The following AGBL4 variants were observed in gnomAD, a reference collection of about 807,000 sequenced individuals.
The protein encoded by AGBL4 is cytosolic carboxypeptidase 6.
In AGBL4, 58 loss-of-function variants were observed where a neutral mutation model predicts 66.4. The observed-to-expected ratio is 0.87, with a 90% CI of 0.71 to 1.09. The LOEUF is 1.09. AGBL4 is among the 50% of genes least tolerant of loss of function. The pLI, the probability that AGBL4 is intolerant of heterozygous loss-of-function variation, is 0.00. For synonymous variants in AGBL4, 234 were observed against 222.9 expected (o/e 1.05, Z -0.44); for missense variants, 579 against 631.0 (o/e 0.92, Z 0.88).
intron 1 of AGBL4, among the ~76,000 whole-genome samples, chr1:49,907,881 G>C (rs1362153690): frequency 1.3e-5 from 2 of 151,896 alleles, no homozygotes; most frequent in East Asian, 3.9e-4. Context: ...TTGATAATTG[G>C]AGAGGCTATG....
At chr1:48,845,524 A>T (rs1646890293) in intron 6 of AGBL4, among the ~76,000 whole-genome samples, 1 of 152,226 alleles carries the variant, frequency 6.6e-6, no homozygotes, top group African/African-American at 2.4e-5. Context: ...AGGGAAGTTA[A>T]GGGGATTCAG....
chr1:49,367,110 C>T (rs559415898), intron 3 of AGBL4, among the ~76,000 whole-genome samples: 17 of 152,232 alleles, frequency 1.1e-4, no homozygotes, highest in African/African-American at 3.9e-4. Flanking sequence ...ACTAATGAAA[C>T]AAACAAACAA....
At chr1:48,828,140 G>A (rs980668248) in intron 6 of AGBL4, among the ~76,000 whole-genome samples, 7 of 148,570 alleles carry the variant, frequency 4.7e-5, no homozygotes, top group Non-Finnish European at 8.9e-5. Context: ...AGGTTGCAGT[G>A]AGCCAAGATT....
intron 4 of AGBL4, among the ~76,000 whole-genome samples, chr1:49,128,259 G>A (rs1645806857): frequency 6.6e-6 from 1 of 151,640 alleles, no homozygotes. Flanking sequence ...AGGAAATGAA[G>A]AGATACATTA....
downstream of AGBL4, among the ~76,000 whole-genome samples, chr1:48,529,444 T>C (rs1004726491): frequency 1.6e-4 from 24 of 152,182 alleles, no homozygotes; most frequent in African/African-American, 5.3e-4. Context: ...CAGTTCATTT[T>C]ACAGATGAGG....
intron 6 of AGBL4, among the ~76,000 whole-genome samples, chr1:48,764,949 G>A (rs985663207): frequency 6.6e-6 from 1 of 152,186 alleles, no homozygotes; most frequent in African/African-American, 2.4e-5. Flanking sequence ...TAAGATGGGT[G>A]ACACTCCCCA....
chr1:49,095,198 T>C (rs1176932676), intron 4 of AGBL4, among the ~76,000 whole-genome samples: 3 of 152,184 alleles, frequency 2.0e-5, no homozygotes, highest in Non-Finnish European at 4.4e-5. Context: ...TACAAACAAA[T>C]GGAAGAACAT....
chr1:49,250,770 TG>T lies in AGBL4; in HGVS notation c.283-4907del, dbSNP rs553810092. On this transcript the variant is annotated intron_variant, in intron 3 of 13. Coordinates refer to ENST00000371839, the MANE Select transcript of AGBL4 (RefSeq NM_032785.4). ...ACTCATTCTTGAACCACAACAGCTC[TG>T]GGGGAATGGAGTCACCCACTCTCAC... Among the ~76,000 whole-genome samples the T allele has an allele frequency of 1.6e-4, 25 of 152,222 alleles. No homozygotes were observed. The South Asian group carries it at 5.2e-3, about 32-fold the overall frequency.
At chr1:49,808,762 T>C (rs900859289) in intron 2 of AGBL4, among the ~76,000 whole-genome samples, 4 of 152,178 alleles carry the variant, frequency 2.6e-5, no homozygotes, top group African/African-American at 9.6e-5. Flanking sequence ...TTTATGTTTC[T>C]GACATCGTAG....
intron 6 of AGBL4, among the ~76,000 whole-genome samples, chr1:48,836,855 A>G (rs1183118456): frequency 6.6e-6 from 1 of 151,934 alleles, no homozygotes; most frequent in Non-Finnish European, 1.5e-5. Context: ...AAATATTTAC[A>G]GAACTTCTTT....
intron 1 of AGBL4, among the ~76,000 whole-genome samples, chr1:49,866,965 C>T (rs909179467): frequency 6.6e-6 from 1 of 152,058 alleles, no homozygotes; most frequent in African/African-American, 2.4e-5. Flanking sequence ...ACATTTTAAT[C>T]TCGTCCTTTC....
At chr1:49,948,202 A>ATACG (rs1237656565) in intron 1 of AGBL4, among the ~76,000 whole-genome samples, 1 of 92,894 alleles carries the variant, frequency 1.1e-5, no homozygotes, top group Non-Finnish European at 1.9e-5. Context: ...ATATATAAAT[A>ATACG]TAAATATATA....
At chr1:49,410,495 A>T (rs2148626262) in intron 3 of AGBL4, among the ~76,000 whole-genome samples, 1 of 152,306 alleles carries the variant, frequency 6.6e-6, no homozygotes, top group Non-Finnish European at 1.5e-5. Context: ...GATGAATAAT[A>T]TTATCAACTA....
chr1:49,587,393 T>C (rs1319181248), intron 3 of AGBL4, among the ~76,000 whole-genome samples: 1 of 152,208 alleles, frequency 6.6e-6, no homozygotes, highest in Non-Finnish European at 1.5e-5. Flanking sequence ...GCCCCTCCTC[T>C]GTGTTCCCAT....
Position 49,671,549 on chromosome 1 carries a change from C to G in AGBL4, c.282+25764G>C, listed in dbSNP as rs979680504. Among the ~76,000 whole-genome samples, 7 of 152,208 alleles carry G rather than the reference C, an allele frequency of 4.6e-5. No individual in the cohort carries two copies. The East Asian group carries it at 1.3e-3, about 29-fold the overall frequency. Reference sequence around the variant, plus strand: ...AGCTATCAACAGAATAAACAGACAACCTACAGAATGGGAGTAAATATTTGC... The same window carrying G: ...AGCTATCAACAGAATAAACAGACAAGCTACAGAATGGGAGTAAATATTTGC... On this transcript the variant is annotated intron_variant, in intron 3 of 13. Coordinates refer to ENST00000371839, the MANE Select transcript of AGBL4 (RefSeq NM_032785.4).
intron 11 of AGBL4, among the ~76,000 whole-genome samples, chr1:48,544,616 GA>G (rs1006009413): frequency 6.6e-6 from 1 of 152,184 alleles, no homozygotes; most frequent in Non-Finnish European, 1.5e-5. Flanking sequence ...GAAACAGTGG[GA>G]TTTCTGAGGT....
At chr1:49,418,674 C>G (rs1018832311) in intron 3 of AGBL4, among the ~76,000 whole-genome samples, 11 of 152,128 alleles carry the variant, frequency 7.2e-5, no homozygotes, top group Non-Finnish European at 1.3e-4. Context: ...TGTGATCCCC[C>G]CTGTGCTTAA....
intron 3 of AGBL4, among the ~76,000 whole-genome samples, chr1:49,358,668 A>T (rs1029324923): frequency 6.6e-5 from 10 of 152,222 alleles, no homozygotes; most frequent in Admixed American, 4.6e-4. Context: ...AAAAATGTTT[A>T]TTATACATAA....
At chr1:48,731,823 T>C (rs1648183189) in intron 6 of AGBL4, among the ~76,000 whole-genome samples, 1 of 152,204 alleles carries the variant, frequency 6.6e-6, no homozygotes, top group African/African-American at 2.4e-5. Flanking sequence ...TTCTATGGCA[T>C]GTTTAGAAGC....
Sources: allele counts gnomAD v4.1 joint callset (sites outside exome capture counted in the v4.1 genomes callset), GRCh38; gene constraint gnomAD v4.1.1; transcripts MANE v1.5; gene names NCBI Gene and HGNC (gene_info 2026-07-23, HGNC 2026-07-21).